Variants in PCDH17 observed in about 807,000 individuals in gnomAD.
The protein encoded by PCDH17 is protocadherin-17.
PCDH17 carries 21 observed loss-of-function variants against 67.7 expected under a neutral mutation model. The observed-to-expected ratio is 0.31, with a 90% confidence interval of 0.22 to 0.45. The LOEUF is 0.45. Ranked by LOEUF, PCDH17 falls within the 20% of genes least tolerant of loss-of-function variation. The pLI, the probability that PCDH17 is intolerant of heterozygous loss-of-function variation, is 1.00. For synonymous variants in PCDH17, 701 were observed against 656.7 expected (o/e 1.07, Z -1.03); for missense variants, 1,471 against 1,564.8 (o/e 0.94, Z 1.01).
intron 3 of PCDH17, among the ~76,000 whole-genome samples, chr13:57,676,878 T>C (rs1289069968): frequency 1.3e-5 from 2 of 151,956 alleles, no homozygotes; most frequent in Non-Finnish European, 2.9e-5. Context: ...TATTTTATGA[T>C]TCACAAACTA....
intron 1 of PCDH17, among the ~76,000 whole-genome samples, chr13:57,661,601 A>G (rs752443136): frequency 2.0e-5 from 3 of 152,050 alleles, no homozygotes; most frequent in Admixed American, 1.3e-4. Flanking sequence ...ATTTAGGTCT[A>G]TGTTCCATGT....
chr13:57,710,941 T>A (rs1955770417), intron 3 of PCDH17, among the ~76,000 whole-genome samples: 5 of 151,778 alleles, frequency 3.3e-5, no homozygotes, highest in Admixed American at 3.3e-4. Flanking sequence ...GGTAAAAAGG[T>A]GAGAAGTTTG....
At chr13:57,642,421 A>G (rs1032336051) in intron 1 of PCDH17, among the ~76,000 whole-genome samples, 2 of 151,700 alleles carry the variant, frequency 1.3e-5, no homozygotes, top group African/African-American at 4.8e-5. Flanking sequence ...ATATTGATAC[A>G]TAATTTAGAC....
chr13:57,719,568 A>G (rs188205091), intron 3 of PCDH17, among the ~76,000 whole-genome samples: 1 of 152,142 alleles, frequency 6.6e-6, no homozygotes, highest in African/African-American at 2.4e-5. Context: ...GTAAGTCTGA[A>G]ACTCAGGGGA....
At chr13:57,659,103 T>TTG (rs71083322) in intron 1 of PCDH17, among the ~76,000 whole-genome samples, 7,230 of 139,822 alleles carry the variant, frequency 0.052, 196 homozygotes, top group Non-Finnish European at 0.062. Flanking sequence ...GTTATTTATA[T>TTG]TGTGTGTGTG....
At chr13:57,692,400 A>C (rs1050585269) in intron 3 of PCDH17, among the ~76,000 whole-genome samples, 1 of 151,314 alleles carries the variant, frequency 6.6e-6, no homozygotes, top group Admixed American at 6.6e-5. Context: ...ATTTGTTTGA[A>C]GTTAACTAGG....
At chr13:57,630,820 G>T (rs1954709819), upstream of PCDH17, among the ~76,000 whole-genome samples, 1 of 152,206 alleles carries the variant, frequency 6.6e-6, no homozygotes, top group African/African-American at 2.4e-5. Context: ...ACCATGAGGC[G>T]AGAGTGAATA....
intron 3 of PCDH17, among the ~76,000 whole-genome samples, chr13:57,691,970 T>G (rs554962528): frequency 6.6e-6 from 1 of 151,352 alleles, no homozygotes; most frequent in East Asian, 1.9e-4. Flanking sequence ...TTATTAAATT[T>G]TAATACAAGT....
chr13:57,723,938 T>C (rs1955891744), intron 3 of PCDH17, among the ~76,000 whole-genome samples: 1 of 152,216 alleles, frequency 6.6e-6, no homozygotes, highest in African/African-American at 2.4e-5. Context: ...CATTTTCACC[T>C]ACTTACACCC....
chr13:57,651,837 A>G (rs1955044010), intron 1 of PCDH17, among the ~76,000 whole-genome samples: 1 of 152,136 alleles, frequency 6.6e-6, no homozygotes, highest in African/African-American at 2.4e-5. Flanking sequence ...ATATTAACAC[A>G]TATTATTATT....
In PCDH17 at chr13:57,702,594, C is replaced by T. The variant is rs963909846; in HGVS notation, c.2798-22018C>T. Among the ~76,000 whole-genome samples, 17 of 152,104 alleles carry T rather than the reference C, an allele frequency of 1.1e-4. 1 individual carries two copies. Among genetic ancestry groups the T allele is most frequent in the African/African-American group, 3.9e-4 (16 of 41,432 alleles). On this transcript the variant is annotated intron_variant, in intron 3 of 3. Transcript: ENST00000377918. ...AGACATCATTTATATTTGCAGTAAT[C>T]CACATATTCAAGTTGAAATTCTCAA...
intron 1 of PCDH17, among the ~76,000 whole-genome samples, chr13:57,658,992 T>G (rs567041413): frequency 1.3e-5 from 2 of 152,038 alleles, no homozygotes; most frequent in Admixed American, 6.5e-5. Flanking sequence ...AATGTCAGAG[T>G]TCTATGGTGT....
intron 1 of PCDH17, among the ~76,000 whole-genome samples, chr13:57,638,111 T>G (rs1018601336): frequency 6.6e-6 from 1 of 152,110 alleles, no homozygotes; most frequent in African/African-American, 2.4e-5. Context: ...ATTTAAGTCT[T>G]TTTAAACATA....
Position 57,632,861 on chromosome 13 carries a change from C to T in PCDH17, c.315C>T (p.Ser105=), listed in dbSNP as rs746743843. Residue 105 remains serine, a synonymous_variant, in exon 1 of 4, where the codon TCC becomes TCT. Transcript: ENST00000377918. The part of the protein sequence containing the change: ...LCRHNAKCQL[S]LEVFANDKEI... Reference sequence around the variant, plus strand: ...GCCACAATGCCAAGTGCCAGCTGTCCCTCGAGGTGTTCGCCAACGACAAGG... The same window carrying T: ...GCCACAATGCCAAGTGCCAGCTGTCTCTCGAGGTGTTCGCCAACGACAAGG... 1.9e-6 allele frequency: 3 copies of T among 1,613,990 alleles called. No individual in the cohort carries two copies. The highest frequency in any genetic ancestry group is 2.5e-6 in the Non-Finnish European group (3 of 1,180,030).
intron 1 of PCDH17, among the ~76,000 whole-genome samples, chr13:57,651,733 T>C (rs900694399): frequency 6.6e-6 from 1 of 152,154 alleles, no homozygotes; most frequent in Admixed American, 6.5e-5. Context: ...TCTGATTTCT[T>C]ATAAGGCATA....
At chr13:57,697,137 T>C (rs1490497834) in intron 3 of PCDH17, among the ~76,000 whole-genome samples, 1 of 151,640 alleles carries the variant, frequency 6.6e-6, no homozygotes, top group East Asian at 1.9e-4. Flanking sequence ...AATGCCCCTC[T>C]CTTCATTAAG....
In PCDH17 at chr13:57,633,507, G is replaced by T. The variant is rs755748608; in HGVS notation, c.961G>T (p.Val321Leu). Reference protein sequence around the residue: ...YEENGMLEIDVQARDLGPNPI... With the variant: ...YEENGMLEIDLQARDLGPNPI... ...GGAAAACGGGATGCTGGAGATTGAC[G>T]TGCAGGCCCGAGACCTGGGGCCTAA... The change falls in exon 1 of 4, where the codon GTG (valine) becomes TTG (leucine). Residue 321 changes from valine to leucine, a missense_variant. By Grantham distance (32) the Val-to-Leu change is conservative (BLOSUM62 1). Transcript: ENST00000377918. This position sits in a 1 kb window ranked among gnomAD's most constrained non-coding sequence, Gnocchi z 6.2. The T allele has an allele frequency of 4.2e-5, 67 of 1,613,800 alleles. No individual in the cohort carries two copies. The African/African-American group carries it at 5.7e-4, about 14-fold the overall frequency.
chr13:57,699,516 T>C (rs1456630603), intron 3 of PCDH17, among the ~76,000 whole-genome samples: 3 of 152,082 alleles, frequency 2.0e-5, no homozygotes, highest in South Asian at 4.1e-4. Flanking sequence ...TCATTCTGGA[T>C]CCTCATGCCT....
chr13:57,707,334 C>CGTGT (rs56840875), intron 3 of PCDH17, among the ~76,000 whole-genome samples: 14,978 of 145,678 alleles, frequency 0.1, 830 homozygotes, highest in South Asian at 0.13. Context: ...GATATATGAC[C>CGTGT]GTGTGTGTGT....
Sources: allele counts gnomAD v4.1 joint callset (sites outside exome capture counted in the v4.1 genomes callset), GRCh38; gene constraint gnomAD v4.1.1; non-coding constraint Gnocchi (gnomAD v3.1); transcripts MANE v1.5; gene names NCBI Gene and HGNC (gene_info 2026-07-23, HGNC 2026-07-21).